SELENOW: variants seen among roughly 807,000 people sequenced by gnomAD.
SELENOW encodes selenoprotein W.
SELENOW carries 20 observed loss-of-function variants against 16.6 expected under a neutral mutation model. The ratio of observed to expected loss-of-function variants is 1.21; its 90% CI spans 0.85 to 1.76. The LOEUF (loss-of-function observed/expected upper bound fraction) is 1.76, where lower values mean the gene tolerates loss of function less well. Among genes scored for constraint, SELENOW ranks in the 40% most tolerant of loss-of-function variants. The pLI is 0.00. For synonymous variants in SELENOW, 44 were observed against 46.2 expected, an observed-to-expected ratio of 0.95 and a Z score of 0.19; for missense variants, 124 against 111.0, an observed-to-expected ratio of 1.12 and a Z score of -0.53.
Position 47,781,353 on chromosome 19 carries a change from G to T in SELENOW, c.247G>T (p.Ala83Ser). The T allele has an allele frequency of 6.2e-7, 1 of 1,604,200 alleles. No individual in the cohort carries two copies. Among genetic ancestry groups the T allele is most frequent in the Non-Finnish European group, 8.5e-7 (1 of 1,174,910 alleles). Residue 83 changes from alanine to serine, a missense_variant, in exon 5 of 6, where the codon GCC becomes TCC. Coordinates refer to ENST00000601048, the MANE Select transcript of SELENOW (RefSeq NM_003009.4). ...GAAGTTGGTGGCCGCCATCAAAGCC[G>T]CCTTGGCTCAGGGCTAATGCGCCCT... ...FLKLVAAIKA[A>S]LAQG
Position 47,779,794 on chromosome 19 carries a change from G to A in SELENOW, c.30-931G>A, listed in dbSNP as rs116032849. The stretch of plus-strand genomic sequence containing the variant: ...ACTGCACTCCATCCTGGACAGCAGA[G>A]CGAGACTCTGTCTCAAAAAAAAAAA... On this transcript the variant is annotated intron_variant, in intron 1 of 5. Transcript: ENST00000601048. 8.2e-3 allele frequency: 1,466 copies of A among 178,004 alleles called. 25 individuals carry two copies. The highest frequency in any genetic ancestry group is 0.033 in the African/African-American group (1,401 of 42,516). 11.0% of individuals were successfully genotyped at this position (178,004 alleles called of 1,614,324 possible).
In SELENOW at chr19:47,780,904, G is replaced by A. The variant is rs778176912; in HGVS notation, c.95G>A (p.Gly32Asp). Reference protein sequence around the residue: ...LKKKLEDEFPGRLDICGEGTP... With the variant: ...LKKKLEDEFPDRLDICGEGTP... ...AAGAAGTTAGAAGATGAGTTCCCCG[G>A]CCGCCTGGACATCGTGAGTCTTGGG... The change falls in exon 3 of 6, where the codon GGC becomes GAC. Residue 32 changes from glycine to aspartate, a missense_variant. Physicochemically the swap from Gly to Asp is moderately conservative, Grantham distance 94. Transcript: ENST00000601048. 1 of 1,613,272 alleles carries A rather than the reference G, an allele frequency of 6.2e-7. No homozygotes were observed. Among genetic ancestry groups the A allele is most frequent in the South Asian group, 1.1e-5 (1 of 91,000 alleles).
intron 1 of SELENOW, chr19:47,780,304 T>G (rs1483790095): frequency 2.7e-6 from 1 of 364,236 alleles, no homozygotes; most frequent in Non-Finnish European, 5.5e-6. Flanking sequence ...CTGCGAGGGC[T>G]GTGGGTGAGG....
chr19:47,780,507 A>C (rs1967460833), intron 1 of SELENOW: 6 of 562,298 alleles, frequency 1.1e-5, no homozygotes, highest in African/African-American at 4.3e-5. Flanking sequence ...TCCCCGCGCC[A>C]CCCCCTGTGC....
At chr19:47,780,187 C>A in intron 1 of SELENOW, 1 of 439,948 alleles carries the variant, frequency 2.3e-6, no homozygotes, top group Non-Finnish European at 4.6e-6. Context: ...GCGGGCCGAT[C>A]CCCTGAGGTT....
chr19:47,783,899 ATTC>A (rs1022442354), intron 5 of SELENOW: 10 of 151,712 alleles, frequency 6.6e-5, no homozygotes, highest in South Asian at 4.2e-4. Context: ...CAGGCTTTGA[ATTC>A]TTTTTTTTTT....
Position 47,778,765 on chromosome 19 carries a change from C to T in SELENOW, c.-21C>T, listed in dbSNP as rs1386342870. 8 of 1,601,578 alleles carry T rather than the reference C, an allele frequency of 5.0e-6. No homozygotes were observed. Among genetic ancestry groups the T allele is most frequent in the Middle Eastern group, 1.7e-4 (1 of 6,006 alleles). ...TGTGGCCCGGGCGTCCGCTCCTCAGCGGATGTGGCAGCCCCGAGCCATGGC... is the reference window on the plus strand; with the variant it reads ...TGTGGCCCGGGCGTCCGCTCCTCAGTGGATGTGGCAGCCCCGAGCCATGGC... On this transcript the variant is annotated 5_prime_UTR_variant, in exon 1 of 6. Coordinates refer to ENST00000601048, the MANE Select transcript of SELENOW (RefSeq NM_003009.4).
At position 47,784,524 on chromosome 19, in the gene SELENOW, C is replaced by T. The variant is rs1044200796; in HGVS notation, c.*253C>T. On this transcript the variant is annotated 3_prime_UTR_variant, in exon 6 of 6. Coordinates refer to ENST00000601048, the MANE Select transcript of SELENOW (RefSeq NM_003009.4). ...GGTTTCATCATATCTCTTTGCATACCCCATGTCTTCCCCAGTTGTCCCCTG... is the reference window on the plus strand; with the variant it reads ...GGTTTCATCATATCTCTTTGCATACTCCATGTCTTCCCCAGTTGTCCCCTG... The T allele has an allele frequency of 7.9e-5, 12 of 152,334 alleles. No individual in the cohort carries two copies. Among genetic ancestry groups the T allele is most frequent in the African/African-American group, 2.9e-4 (12 of 41,532 alleles). The allele number at this position is 152,334 out of a possible 1,614,324, so 9.4% of individuals were successfully genotyped here. A position where few individuals can be genotyped will look rare whatever the true frequency, so the allele number is the denominator to read the frequency against.
chr19:47,778,991 C>G (rs1011778082), intron 1 of SELENOW, 177 bp downstream of exon 1: 1 of 588,426 alleles, frequency 1.7e-6, no homozygotes, highest in Non-Finnish European at 2.9e-6. Context: ...GCGGTCGTCC[C>G]TAGGCCCCGT....
rs368581706 is a variant in SELENOW, at chr19:47,780,738, T to C, written c.43T>C (p.Tyr15His). 3 of 1,564,276 alleles carry C rather than the reference T, an allele frequency of 1.9e-6. No individual in the cohort carries two copies. The highest frequency in any genetic ancestry group is 2.7e-5 in the African/African-American group (2 of 73,458). ...CTCTCCTACCAGTGGCGCTTGAGGCTACAAGTCCAAGGTAAGCAGAGTGGA... is the reference window on the plus strand; with the variant it reads ...CTCTCCTACCAGTGGCGCTTGAGGCCACAAGTCCAAGGTAAGCAGAGTGGA... ...VRVVYCGAUGYKSKYLQLKKK... is the reference protein window; with the variant it reads ...VRVVYCGAUGHKSKYLQLKKK... Residue 15 changes from tyrosine (Y) to histidine (H), a missense_variant, in exon 2 of 6, where the codon TAC becomes CAC. By Grantham distance (83) the Tyr-to-His change is moderately conservative. Coordinates refer to ENST00000601048, the MANE Select transcript of SELENOW (RefSeq NM_003009.4).
chr19:47,780,286 T>G, intron 1 of SELENOW: 1 of 368,384 alleles, frequency 2.7e-6, no homozygotes, highest in East Asian at 7.3e-5. Context: ...AGGGTTTTCC[T>G]TGGAGTGCTG....
intron 5 of SELENOW, chr19:47,783,151 G>T (rs1192466745): frequency 6.6e-6 from 1 of 151,834 alleles, no homozygotes; most frequent in African/African-American, 2.4e-5. Flanking sequence ...GGATTCTTGT[G>T]TCTCAGCCTC....
chr19:47,781,708 G>A (rs374753702), intron 5 of SELENOW, among the ~76,000 whole-genome samples: 3 of 151,692 alleles, frequency 2.0e-5, no homozygotes, highest in South Asian at 2.1e-4. Context: ...GATGGTGATG[G>A]GTCAAAGGTA....
chr19:47,778,744 G>A lies in SELENOW; in HGVS notation c.-42G>A, dbSNP rs1000140609. 2 of 1,586,848 alleles carry A rather than the reference G, an allele frequency of 1.3e-6. No homozygotes were observed. Among genetic ancestry groups the A allele is most frequent in the East Asian group, 4.6e-5 (2 of 43,118 alleles). ...CGCGTCCAGGTGGGAGGTTAGTGTG[G>A]CCCGGGCGTCCGCTCCTCAGCGGAT... On this transcript the variant is annotated 5_prime_UTR_variant, in exon 1 of 6. Coordinates refer to ENST00000601048, the MANE Select transcript of SELENOW (RefSeq NM_003009.4).
intron 5 of SELENOW, chr19:47,783,520 C>CT (rs1181271184): frequency 6.6e-6 from 1 of 152,264 alleles, no homozygotes; most frequent in African/African-American, 2.4e-5. Context: ...TTACTCCCCT[C>CT]TAACCTTCAG....
chr19:47,783,844 C>G (rs982205954), intron 5 of SELENOW: 4 of 151,920 alleles, frequency 2.6e-5, no homozygotes, highest in African/African-American at 9.7e-5. Context: ...CAGCTGAATG[C>G]ATTGTGGACT....
chr19:47,784,617 G>A lies in SELENOW; in HGVS notation c.*346G>A, dbSNP rs555190685. 1 of 152,230 alleles carries A rather than the reference G, an allele frequency of 6.6e-6. No individual in the cohort carries two copies. Among genetic ancestry groups the A allele is most frequent in the African/African-American group, 2.4e-5 (1 of 41,466 alleles). The allele number at this position is 152,230 out of a possible 1,614,324, so 9.4% of individuals were successfully genotyped here. On this transcript the variant is annotated 3_prime_UTR_variant, in exon 6 of 6. Transcript: ENST00000601048. ...GAAGCCAAGAGAGGCATCAGGATGGGTGGGTTTCTGATTGTGGCAACGTTT... is the reference window on the plus strand; with the variant it reads ...GAAGCCAAGAGAGGCATCAGGATGGATGGGTTTCTGATTGTGGCAACGTTT...
rs1967508495 is a variant in SELENOW, at chr19:47,784,358, A to G, written c.*87A>G. On this transcript the variant is annotated 3_prime_UTR_variant, in exon 6 of 6. Coordinates refer to ENST00000601048, the MANE Select transcript of SELENOW (RefSeq NM_003009.4). ...TAGGAAGGACTGAAAAGTCTTGTGG[A>G]CACCTGGTCTTTCCCTGATGTTCTC... The G allele has an allele frequency of 6.6e-6, 1 of 152,614 alleles. No individual in the cohort carries two copies. Among genetic ancestry groups the G allele is most frequent in the Non-Finnish European group, 1.5e-5 (1 of 68,092 alleles). The allele number at this position is 152,614 out of a possible 1,614,324, so 9.5% of individuals were successfully genotyped here. A position where few individuals can be genotyped will look rare whatever the true frequency, so the allele number is the denominator to read the frequency against.
chr19:47,781,412 A>T, intron 5 of SELENOW, 24 bp downstream of exon 5: 1 of 1,282,434 alleles, frequency 7.8e-7, no homozygotes, highest in East Asian at 2.5e-5. Context: ...CTAGACAGGG[A>T]CACCACCCTT....
Sources: allele counts gnomAD v4.1 joint callset (sites outside exome capture counted in the v4.1 genomes callset), GRCh38; gene constraint gnomAD v4.1.1; transcripts MANE v1.5; gene names NCBI Gene and HGNC (gene_info 2026-07-23, HGNC 2026-07-21).